Variants in TNFSF4 observed in about 807,000 individuals in gnomAD.
The protein encoded by TNFSF4 is TNF superfamily member 4.
In TNFSF4, 4 loss-of-function variants were observed where a neutral mutation model predicts 7.3. The ratio of observed to expected loss-of-function variants is 0.55; its 90% CI spans 0.27 to 1.25. The LOEUF is 1.25. TNFSF4 is among the 50% of genes most tolerant of loss of function. The pLI, the probability that TNFSF4 is intolerant of heterozygous loss-of-function variation, is 0.12. For synonymous variants in TNFSF4, 76 were observed against 83.7 expected (o/e 0.91, Z 0.50); for missense variants, 181 against 208.8 (o/e 0.87, Z 0.82).
At chr1:173,315,689 A>T in the TNFSF4 span, among the ~76,000 whole-genome samples, 1 of 152,190 alleles carries the variant, frequency 6.6e-6, no homozygotes, top group Non-Finnish European at 1.5e-5. Flanking sequence ...TGGAATAATC[A>T]AATTTAAACT....
chr1:173,252,585 A>G, the TNFSF4 span, among the ~76,000 whole-genome samples: 1 of 152,114 alleles, frequency 6.6e-6, no homozygotes, highest in Non-Finnish European at 1.5e-5. Flanking sequence ...CTTGCCTTGC[A>G]TAGGAAATTT....
At chr1:173,209,651 C>G (rs374544928), upstream of TNFSF4, among the ~76,000 whole-genome samples, 11 of 152,074 alleles carry the variant, frequency 7.2e-5, no homozygotes, top group African/African-American at 2.4e-4. Flanking sequence ...ACTATAGACA[C>G]GCAACACCAG....
chr1:173,364,225 GTA>G, the TNFSF4 span, among the ~76,000 whole-genome samples: 12 of 143,572 alleles, frequency 8.4e-5, no homozygotes, highest in South Asian at 2.2e-4. Context: ...AGAAGACTAG[GTA>G]TATATATATA....
At chr1:173,232,395 A>G in the TNFSF4 span, among the ~76,000 whole-genome samples, 1 of 152,224 alleles carries the variant, frequency 6.6e-6, no homozygotes, top group Non-Finnish European at 1.5e-5. Context: ...TTCTAAATAT[A>G]CAATCATGTC....
At chr1:173,246,944 T>G in the TNFSF4 span, among the ~76,000 whole-genome samples, 1 of 152,244 alleles carries the variant, frequency 6.6e-6, no homozygotes, top group Admixed American at 6.5e-5. Context: ...ACTTTGCCTA[T>G]AAGGGCTAGA....
chr1:173,407,216 C>A, the TNFSF4 span, among the ~76,000 whole-genome samples: 1 of 152,050 alleles, frequency 6.6e-6, no homozygotes, highest in South Asian at 2.1e-4. Context: ...TTAGCACAGT[C>A]CGTGTGGAGT....
chr1:173,374,744 G>A, the TNFSF4 span, among the ~76,000 whole-genome samples: 1 of 152,192 alleles, frequency 6.6e-6, no homozygotes, highest in Non-Finnish European at 1.5e-5. Flanking sequence ...CATACTCTTT[G>A]CAGTAGGACT....
chr1:173,344,176 A>T, the TNFSF4 span, among the ~76,000 whole-genome samples: 1 of 152,166 alleles, frequency 6.6e-6, no homozygotes, highest in African/African-American at 2.4e-5. Context: ...AGGAATATAG[A>T]ATACCAGCAC....
chr1:173,198,612 C>T (rs1649808331), intron 1 of TNFSF4, among the ~76,000 whole-genome samples: 1 of 152,162 alleles, frequency 6.6e-6, no homozygotes, highest in Non-Finnish European at 1.5e-5. Flanking sequence ...GAGCAAGACT[C>T]CATCTCAAAA....
At chr1:173,368,497 C>T in the TNFSF4 span, among the ~76,000 whole-genome samples, 1 of 152,154 alleles carries the variant, frequency 6.6e-6, no homozygotes, top group Non-Finnish European at 1.5e-5. Flanking sequence ...AAATACCAGG[C>T]ACCTGTTGGC....
the TNFSF4 span, among the ~76,000 whole-genome samples, chr1:173,303,772 A>T: frequency 6.6e-6 from 1 of 151,920 alleles, no homozygotes; most frequent in Admixed American, 6.6e-5. Context: ...ACTAAATATT[A>T]TATTATTCTC....
the TNFSF4 span, among the ~76,000 whole-genome samples, chr1:173,366,248 G>T: frequency 1.3e-5 from 2 of 152,136 alleles, no homozygotes; most frequent in African/African-American, 4.8e-5. Context: ...CAGATGAATG[G>T]ATAAAGAAAA....
the TNFSF4 span, among the ~76,000 whole-genome samples, chr1:173,426,352 A>T: frequency 2.0e-5 from 3 of 152,136 alleles, no homozygotes; most frequent in African/African-American, 7.2e-5. Flanking sequence ...AGCGGACAGG[A>T]GGTGGTCAGA....
the TNFSF4 span, among the ~76,000 whole-genome samples, chr1:173,233,875 A>T: frequency 1.2e-4 from 19 of 152,216 alleles, no homozygotes; most frequent in Non-Finnish European, 2.5e-4. Context: ...ACCATTCAGG[A>T]CATAGGCATG....
chr1:173,439,420 G>C, the TNFSF4 span, among the ~76,000 whole-genome samples: 1 of 152,122 alleles, frequency 6.6e-6, no homozygotes, highest in Non-Finnish European at 1.5e-5. Flanking sequence ...CTGCCATAGT[G>C]AGCACAGCTA....
At chr1:173,421,326 T>C in the TNFSF4 span, among the ~76,000 whole-genome samples, 3 of 152,138 alleles carry the variant, frequency 2.0e-5, no homozygotes, top group Non-Finnish European at 4.4e-5. Context: ...TTTGATAAAT[T>C]TGGCAACCTG....
chr1:173,268,656 A>G, the TNFSF4 span, among the ~76,000 whole-genome samples: 1 of 152,178 alleles, frequency 6.6e-6, no homozygotes, highest in African/African-American at 2.4e-5. Flanking sequence ...AAAACAAATA[A>G]TAAAATGTCA....
At chr1:173,321,746 C>T in the TNFSF4 span, among the ~76,000 whole-genome samples, 1 of 152,086 alleles carries the variant, frequency 6.6e-6, no homozygotes, top group African/African-American at 2.4e-5. Context: ...TAGAGAAATG[C>T]AAATCAAAAC....
chr1:173,233,947 G>T, the TNFSF4 span, among the ~76,000 whole-genome samples: 1 of 152,106 alleles, frequency 6.6e-6, no homozygotes, highest in Non-Finnish European at 1.5e-5. Context: ...ATTGACAAAT[G>T]GGATCTAATT....
Sources: allele counts gnomAD v4.1 joint callset (sites outside exome capture counted in the v4.1 genomes callset), GRCh38; gene constraint gnomAD v4.1.1; transcripts MANE v1.5; gene names NCBI Gene and HGNC (gene_info 2026-07-23, HGNC 2026-07-21).